The following GABRA2 variants were observed in gnomAD, a reference collection of about 807,000 sequenced individuals.
GABRA2 encodes gamma-aminobutyric acid receptor subunit alpha-2.
Under a neutral mutation model 48.7 loss-of-function variants are expected in GABRA2, and 16 were observed. The observed-to-expected ratio is 0.33, with a 90% CI of 0.22 to 0.50. The LOEUF (loss-of-function observed/expected upper bound fraction) is 0.50. Among genes scored for constraint, GABRA2 ranks in the 20% least tolerant of loss-of-function variants. The pLI, the probability that GABRA2 is intolerant of heterozygous loss-of-function variation, is 0.98. For synonymous variants in GABRA2, 185 were observed against 184.5 expected, an observed-to-expected ratio of 1.00 and a Z score of -0.02; for missense variants, 275 against 535.6, an observed-to-expected ratio of 0.51 and a Z score of 4.80.
chr4:46,378,737 G>A (rs1156661400), intron 3 of GABRA2, among the ~76,000 whole-genome samples: 2 of 151,930 alleles, frequency 1.3e-5, no homozygotes, highest in African/African-American at 2.4e-5. Context: ...TGAGGTGGGA[G>A]GATCACTTGA....
intron 3 of GABRA2, among the ~76,000 whole-genome samples, chr4:46,348,381 T>A (rs1734526661): frequency 6.6e-6 from 1 of 151,916 alleles, no homozygotes; most frequent in African/African-American, 2.4e-5. Context: ...TCCTTAGGGA[T>A]CTAGAACTAG....
intron 3 of GABRA2, among the ~76,000 whole-genome samples, chr4:46,357,912 C>T: frequency 6.6e-6 from 1 of 152,060 alleles, no homozygotes; most frequent in East Asian, 1.9e-4. Flanking sequence ...CCCACCTCTG[C>T]CTCCTAAAGT....
At chr4:46,311,151 T>G (rs1727581471) in intron 5 of GABRA2, among the ~76,000 whole-genome samples, 1 of 152,170 alleles carries the variant, frequency 6.6e-6, no homozygotes, top group African/African-American at 2.4e-5. Context: ...TTAATAGAAA[T>G]GATCAATGTA....
intron 3 of GABRA2, among the ~76,000 whole-genome samples, chr4:46,359,682 C>A (rs1281904566): frequency 6.6e-6 from 1 of 151,920 alleles, no homozygotes; most frequent in East Asian, 1.9e-4. Flanking sequence ...AGAATTGTAA[C>A]CGAGGCAGAC....
At chr4:46,377,603 T>A (rs1458328326) in intron 3 of GABRA2, among the ~76,000 whole-genome samples, 1 of 142,314 alleles carries the variant, frequency 7.0e-6, no homozygotes, top group Admixed American at 7.0e-5. Context: ...GGCAGGGAGG[T>A]GGGGGGTCAG....
In GABRA2 at chr4:46,248,957, A is replaced by T. The variant is rs1714199771; in HGVS notation, c.*1351T>A. ...GCATAAATAATATTTTAAGATATTA[A>T]AAGAAAAATGAATTTTACCCATTAA... On this transcript the variant is annotated 3_prime_UTR_variant, in exon 10 of 10. Transcript: ENST00000381620. 1 of 151,428 alleles carries T rather than the reference A, an allele frequency of 6.6e-6. No homozygotes were observed. The highest frequency in any genetic ancestry group is 1.5e-5 in the Non-Finnish European group (1 of 67,710). 9.4% of individuals were successfully genotyped at this position (151,428 alleles called of 1,614,324 possible). A position where few individuals can be genotyped will look rare whatever the true frequency, so the allele number is the denominator to read the frequency against.
chr4:46,305,997 T>G (rs1400443686), intron 6 of GABRA2, among the ~76,000 whole-genome samples: 1 of 152,138 alleles, frequency 6.6e-6, no homozygotes, highest in Non-Finnish European at 1.5e-5. Flanking sequence ...GGCCCTTAGA[T>G]GATTATAACA....
chr4:46,377,669 G>A (rs1312775645), intron 3 of GABRA2, among the ~76,000 whole-genome samples: 4 of 143,896 alleles, frequency 2.8e-5, no homozygotes, highest in South Asian at 4.5e-4. Flanking sequence ...CTGCCCGGCC[G>A]CCCCTACTGG....
intron 8 of GABRA2, among the ~76,000 whole-genome samples, chr4:46,285,717 C>T (rs1722427597): frequency 6.6e-6 from 1 of 151,822 alleles, no homozygotes; most frequent in African/African-American, 2.4e-5. Flanking sequence ...ATAACTATTC[C>T]CTGAAACTAT....
chr4:46,251,658 A>G (rs931480213), intron 9 of GABRA2, among the ~76,000 whole-genome samples: 2 of 151,336 alleles, frequency 1.3e-5, no homozygotes, highest in African/African-American at 4.8e-5. Flanking sequence ...CTCTAACTAA[A>G]CATCTCTTTG....
chr4:46,345,582 C>G (rs986302460), intron 3 of GABRA2, among the ~76,000 whole-genome samples: 3 of 151,814 alleles, frequency 2.0e-5, no homozygotes, highest in Non-Finnish European at 4.4e-5. Context: ...CGTCACTCCC[C>G]AAGAGTCCAC....
chr4:46,378,090 T>C, intron 3 of GABRA2, among the ~76,000 whole-genome samples: 1 of 151,580 alleles, frequency 6.6e-6, no homozygotes, highest in Admixed American at 6.6e-5. Flanking sequence ...GAGGGGCGCC[T>C]CTGCCCGGCC....
At chr4:46,341,624 T>C (rs1392455722) in intron 3 of GABRA2, among the ~76,000 whole-genome samples, 1 of 152,054 alleles carries the variant, frequency 6.6e-6, no homozygotes, top group Non-Finnish European at 1.5e-5. Context: ...GGAAGTAACA[T>C]CTTCAACACT....
At position 46,262,906 on chromosome 4, in the gene GABRA2, CGAAA is replaced by C. The variant is rs369935624; in HGVS notation, c.857-782_857-779del. On this transcript the variant is annotated intron_variant, in intron 8 of 9. Transcript: ENST00000381620. ...AGCAAAAGTCCGTTGAAAGAAAGAACGAAAGAAAGAAAGAGAGAGAGAAAGAAAG... is the reference window on the plus strand; with the variant it reads ...AGCAAAAGTCCGTTGAAAGAAAGAACGAAAGAAAGAGAGAGAGAAAGAAAG... Among the ~76,000 whole-genome samples, 16 of 93,602 alleles carry C rather than the reference CGAAA, an allele frequency of 1.7e-4. No individual in the cohort carries two copies. In the South Asian group the frequency reaches 3.5e-3, roughly 21 times the overall value. The allele number at this position is 93,602 out of a possible 152,430, so 61.4% of individuals were successfully genotyped here. A position where few individuals can be genotyped will look rare whatever the true frequency, so the allele number is the denominator to read the frequency against.
chr4:46,251,256 G>C (rs551242400), intron 9 of GABRA2, among the ~76,000 whole-genome samples: 11 of 151,568 alleles, frequency 7.3e-5, no homozygotes, highest in African/African-American at 2.7e-4. Flanking sequence ...CTTTGTGTCC[G>C]TCTAGCTTGG....
chr4:46,330,871 A>T (rs1731237262), intron 4 of GABRA2, among the ~76,000 whole-genome samples: 1 of 152,024 alleles, frequency 6.6e-6, no homozygotes, highest in South Asian at 2.1e-4. Context: ...TTTAGATAGA[A>T]GTTAGGTGTT....
chr4:46,252,375 G>A (rs556778212), intron 9 of GABRA2, among the ~76,000 whole-genome samples: 2 of 151,534 alleles, frequency 1.3e-5, no homozygotes, highest in East Asian at 2.0e-4. Context: ...AAATTATAGC[G>A]AACACTTTTT....
chr4:46,256,686 T>C (rs1348447091), intron 9 of GABRA2, among the ~76,000 whole-genome samples: 2 of 151,606 alleles, frequency 1.3e-5, no homozygotes, highest in East Asian at 1.9e-4. Flanking sequence ...TTTTCTTTCA[T>C]CTTGATTTTC....
intron 8 of GABRA2, among the ~76,000 whole-genome samples, chr4:46,283,548 A>T (rs139110372): frequency 2.2e-4 from 33 of 152,352 alleles, no homozygotes; most frequent in African/African-American, 7.7e-4. Context: ...GAAATGAATC[A>T]GGGCTATCTG....
Sources: allele counts gnomAD v4.1 joint callset (sites outside exome capture counted in the v4.1 genomes callset), GRCh38; gene constraint gnomAD v4.1.1; transcripts MANE v1.5; gene names NCBI Gene and HGNC (gene_info 2026-07-23, HGNC 2026-07-21).